SWT1: variants seen among roughly 807,000 people sequenced by gnomAD.
SWT1 encodes the protein transcriptional protein SWT1.
A neutral mutation model predicts 107.3 loss-of-function variants in SWT1; 33 were observed. That is an observed-to-expected ratio of 0.31 (90% CI 0.23 to 0.41). SWT1 has a LOEUF of 0.41. Ranked by LOEUF, SWT1 falls within the 10% of genes least tolerant of loss-of-function variation. The probability of loss-of-function intolerance (pLI) is 1.00; values close to 1 mark genes in which losing one functional copy is unlikely to be tolerated. For synonymous variants in SWT1, 345 were observed against 348.3 expected, an observed-to-expected ratio of 0.99 and a Z score of 0.11; for missense variants, 898 against 1,028.9, an observed-to-expected ratio of 0.87 and a Z score of 1.74.
At chr1:185,251,752 C>T (rs1483317186) in intron 16 of SWT1, among the ~76,000 whole-genome samples, 1 of 151,238 alleles carries the variant, frequency 6.6e-6, no homozygotes, top group Non-Finnish European at 1.5e-5. Flanking sequence ...TCCAATCAGA[C>T]AATTTGTTTT....
Position 185,181,956 on chromosome 1 carries a change from T to G in SWT1, c.1037T>G (p.Val346Gly). 6.2e-7 allele frequency: 1 copy of G among 1,613,864 alleles called. No individual in the cohort carries two copies. The highest frequency in any genetic ancestry group is 8.5e-7 in the Non-Finnish European group (1 of 1,179,880). The change falls in exon 7 of 19, where the codon GTA becomes GGA. Residue 346 changes from valine to glycine, a missense_variant. Coordinates refer to ENST00000367500, the MANE Select transcript of SWT1 (RefSeq NM_017673.7). ...TCTTTTACACTTTAGATGCAGATAG[T>G]AGAAGAGCTTCATGCTGCACGTGTG... ...IQDADQEMQIVEELHAARVGK... is the reference protein window; with the variant it reads ...IQDADQEMQIGEELHAARVGK...
intron 13 of SWT1, among the ~76,000 whole-genome samples, chr1:185,211,719 G>A (rs1040123472): frequency 2.8e-4 from 42 of 152,130 alleles, no homozygotes; most frequent in African/African-American, 9.9e-4. Context: ...TATAACCAAA[G>A]GACTATAAAT....
chr1:185,260,602 T>G (rs899539791), intron 16 of SWT1, among the ~76,000 whole-genome samples: 12 of 152,218 alleles, frequency 7.9e-5, no homozygotes, highest in African/African-American at 2.9e-4. Flanking sequence ...ATGAGAATGT[T>G]GGGGCAAATG....
intron 13 of SWT1, among the ~76,000 whole-genome samples, chr1:185,212,456 A>G (rs749979250): frequency 1.3e-5 from 2 of 152,144 alleles, no homozygotes; most frequent in African/African-American, 2.4e-5. Context: ...TGAAGATGTG[A>G]TGACTGTATC....
At chr1:185,273,211 G>A (rs1459670405) in intron 17 of SWT1, among the ~76,000 whole-genome samples, 1 of 151,964 alleles carries the variant, frequency 6.6e-6, no homozygotes, top group African/African-American at 2.4e-5. Flanking sequence ...TTGAGAACAG[G>A]CTGGCCAACA....
chr1:185,284,490 T>C (rs2102781428), intron 18 of SWT1, among the ~76,000 whole-genome samples: 1 of 152,322 alleles, frequency 6.6e-6, no homozygotes, highest in South Asian at 2.1e-4. Context: ...AAATATAATT[T>C]AAAGAGTTTA....
chr1:185,227,348 C>A, intron 15 of SWT1: 1 of 728,190 alleles, frequency 1.4e-6, no homozygotes, highest in South Asian at 1.4e-5. Context: ...TTTCATAGAT[C>A]TTGTCCATGC....
intron 17 of SWT1, 135 bp downstream of exon 17, chr1:185,271,524 A>G: frequency 1.8e-6 from 1 of 570,854 alleles, no homozygotes; most frequent in Non-Finnish European, 3.1e-6. Flanking sequence ...TGAATGCCAT[A>G]AAAGTTTGTC....
At position 185,264,681 on chromosome 1, in the gene SWT1, T is replaced by G. The variant is rs536631635; in HGVS notation, c.2442-6642T>G. On this transcript the variant is annotated intron_variant, in intron 16 of 18. Coordinates refer to ENST00000367500, the MANE Select transcript of SWT1 (RefSeq NM_017673.7). ...ACTTAGCTGGAAAGCGGTAAACCTCTTATTTGAACTCTGGCTGGCTGACTC... is the reference window on the plus strand; with the variant it reads ...ACTTAGCTGGAAAGCGGTAAACCTCGTATTTGAACTCTGGCTGGCTGACTC... 2.6e-5 allele frequency among the ~76,000 whole-genome samples: 4 copies of G among 152,308 alleles called. No individual in the cohort carries two copies. In the South Asian group the frequency reaches 8.3e-4, roughly 32 times the overall value.
chr1:185,228,884 G>A (rs1323848323), intron 15 of SWT1, among the ~76,000 whole-genome samples: 1 of 152,138 alleles, frequency 6.6e-6, no homozygotes, highest in Non-Finnish European at 1.5e-5. Flanking sequence ...ATTACAAAGA[G>A]CTTGAAAGAA....
chr1:185,215,227 C>G (rs1659125108), intron 14 of SWT1, among the ~76,000 whole-genome samples: 1 of 152,102 alleles, frequency 6.6e-6, no homozygotes, highest in Non-Finnish European at 1.5e-5. Flanking sequence ...ACCTACCCAC[C>G]TGTCTGTCTG....
chr1:185,230,461 G>A (rs1195750997), intron 15 of SWT1, among the ~76,000 whole-genome samples: 1 of 152,058 alleles, frequency 6.6e-6, no homozygotes, highest in East Asian at 1.9e-4. Context: ...TCCCATCTCT[G>A]CCTTTTTCTT....
intron 13 of SWT1, among the ~76,000 whole-genome samples, chr1:185,207,134 T>C (rs1239576607): frequency 2.6e-5 from 4 of 152,264 alleles, no homozygotes; most frequent in Non-Finnish European, 5.9e-5. Context: ...TTTCTTACAG[T>C]GTTTAACACA....
At chr1:185,166,730 C>T in intron 3 of SWT1, 78 bp downstream of exon 3, 1 of 927,892 alleles carries the variant, frequency 1.1e-6, no homozygotes, top group South Asian at 1.7e-5. Flanking sequence ...ATAAATTCCT[C>T]CTATACTTTT....
chr1:185,215,140 A>AT, intron 14 of SWT1, among the ~76,000 whole-genome samples: 1 of 152,162 alleles, frequency 6.6e-6, no homozygotes, highest in Non-Finnish European at 1.5e-5. Flanking sequence ...AGTACAAAGA[A>AT]TTCCCATATA....
chr1:185,162,348 T>G (rs1050338799), intron 2 of SWT1, among the ~76,000 whole-genome samples: 1 of 152,212 alleles, frequency 6.6e-6, no homozygotes, highest in African/African-American at 2.4e-5. Flanking sequence ...CATAGCTAAT[T>G]ACACCTTCTC....
At chr1:185,181,850 C>A in intron 6 of SWT1, 96 bp from the exon 7 acceptor site, 4 of 1,348,626 alleles carry the variant, frequency 3.0e-6, no homozygotes, top group South Asian at 2.7e-5. Flanking sequence ...TTTCCATAAA[C>A]CATCTCAAGT....
chr1:185,169,984 G>C (rs1654910281), intron 4 of SWT1, among the ~76,000 whole-genome samples: 1 of 152,080 alleles, frequency 6.6e-6, no homozygotes, highest in Non-Finnish European at 1.5e-5. Flanking sequence ...AAATATGCAA[G>C]CAATTCTGCT....
chr1:185,290,239 T>C (rs1665172140), intron 18 of SWT1, among the ~76,000 whole-genome samples: 1 of 151,920 alleles, frequency 6.6e-6, no homozygotes, highest in African/African-American at 2.4e-5. Flanking sequence ...ATTGCACCAC[T>C]GTACTCCAGC....
Sources: allele counts gnomAD v4.1 joint callset (sites outside exome capture counted in the v4.1 genomes callset), GRCh38; gene constraint gnomAD v4.1.1; transcripts MANE v1.5; gene names NCBI Gene and HGNC (gene_info 2026-07-23, HGNC 2026-07-21).